The following PCDH12 variants were observed in gnomAD, a reference collection of about 807,000 sequenced individuals.
PCDH12 encodes protocadherin-12.
Under a neutral mutation model 70.9 loss-of-function variants are expected in PCDH12, and 45 were observed. That is an observed-to-expected ratio of 0.63 (90% CI 0.50 to 0.81). The LOEUF is 0.81. Ranked by LOEUF, PCDH12 falls within the 40% of genes least tolerant of loss-of-function variation. The pLI, the probability that PCDH12 is intolerant of heterozygous loss-of-function variation, is 0.00. For missense variants in PCDH12, 1,370 were observed against 1,491.7 expected (o/e 0.92, Z 1.34); for synonymous variants, 567 against 626.0 (o/e 0.91, Z 1.41).
Position 141,956,403 on chromosome 5 carries a change from C to T in PCDH12, c.1449G>A (p.Lys483=), listed in dbSNP as rs2126929163. ...TAATGCCCAAGTCTGCATCATGAGC[C>T]TTGATGGTAATGAGGTGAAGAGAGG... The part of the protein sequence containing the change: ...NLPSLHLITI[K]AHDADLGING... Residue 483 remains lysine (K), a synonymous_variant, in exon 1 of 4, where the codon AAG becomes AAA. Coordinates refer to ENST00000231484, the MANE Select transcript of PCDH12 (RefSeq NM_016580.4). 1 of 1,614,226 alleles carries T rather than the reference C, an allele frequency of 6.2e-7. No individual in the cohort carries two copies. The highest frequency in any genetic ancestry group is 1.3e-5 in the African/African-American group (1 of 75,052).
At position 141,957,647 on chromosome 5, in the gene PCDH12, A is replaced by G. The variant is rs1215396898; in HGVS notation, c.205T>C (p.Leu69=). Reference sequence around the variant, plus strand: ...ATGGGGAGCGCCTGAGGCAGCTGCAACACCTGGAAGGCAGCCCCAGCTTGC... The same window carrying G: ...ATGGGGAGCGCCTGAGGCAGCTGCAGCACCTGGAAGGCAGCCCCAGCTTGC... The part of the protein sequence containing the change: ...RRQAGAAFQV[L]QLPQALPIQV... The change falls in exon 1 of 4, where the codon TTG becomes CTG. Residue 69 remains leucine (L), a synonymous_variant. Coordinates refer to ENST00000231484, the MANE Select transcript of PCDH12 (RefSeq NM_016580.4). The surrounding 1 kb of genome is among the most constrained non-coding windows in gnomAD (Gnocchi z 4.3). The G allele has an allele frequency of 1.2e-6, 2 of 1,614,186 alleles. No individual in the cohort carries two copies. Among genetic ancestry groups the G allele is most frequent in the Non-Finnish European group, 1.7e-6 (2 of 1,180,030 alleles).
rs558340968 is a variant in PCDH12 at position 141,945,140 on chromosome 5, A to G, written c.*241T>C. 2.4e-4 allele frequency: 136 copies of G among 559,318 alleles called. 1 individual carries two copies. In the East Asian group the frequency reaches 4.0e-3, roughly 17 times the overall value. The allele number at this position is 559,318 out of a possible 1,614,324, so 34.6% of individuals were successfully genotyped here. A position where few individuals can be genotyped will look rare whatever the true frequency, so the allele number is the denominator to read the frequency against. ...TGCTCCACATATGTTTTGCCAGGAA[A>G]CACTTATCTCAGCCACAAACCGTCC... On this transcript the variant is annotated 3_prime_UTR_variant, in exon 4 of 4. Transcript: ENST00000231484.
Position 141,957,988 on chromosome 5 carries a change from G to A in PCDH12, c.-137C>T. 1.0e-6 allele frequency: 1 copy of A among 986,656 alleles called. No homozygotes were observed. The highest frequency in any genetic ancestry group is 1.7e-5 in the South Asian group (1 of 59,338). The allele number at this position is 986,656 out of a possible 1,614,324, so 61.1% of individuals were successfully genotyped here. ...GCTGCCGGCACAACCTTGTCCCATA[G>A]TTAGATGATTATGAAACAAGCAGGA... On this transcript the variant is annotated 5_prime_UTR_variant, in exon 1 of 4. Coordinates refer to ENST00000231484, the MANE Select transcript of PCDH12 (RefSeq NM_016580.4). This position sits in a 1 kb window ranked among gnomAD's most constrained non-coding sequence, Gnocchi z 4.3.
chr5:141,949,232 C>CT (rs1753022213), intron 3 of PCDH12, 200 bp downstream of exon 3: 1 of 643,780 alleles, frequency 1.6e-6, no homozygotes, highest in East Asian at 1.4e-4. Flanking sequence ...AAGACCCTGT[C>CT]TAAAAAAAAA....
intron 1 of PCDH12, among the ~76,000 whole-genome samples, chr5:141,951,870 A>C (rs1445066099): frequency 1.3e-5 from 2 of 152,180 alleles, no homozygotes; most frequent in Non-Finnish European, 2.9e-5. Flanking sequence ...AGTGTCCTGC[A>C]CCTGGTGGAC....
intron 3 of PCDH12, 60 bp from the exon 4 acceptor site, chr5:141,945,865 G>T (rs1343843821): frequency 1.3e-6 from 2 of 1,518,950 alleles, no homozygotes; most frequent in African/African-American, 1.4e-5. Context: ...AGGCGGGTGA[G>T]GGTGGGGCAA....
At position 141,944,599 on chromosome 5, in the gene PCDH12, GA is replaced by G. The variant is rs1752857316; in HGVS notation, c.*781del. 6.6e-6 allele frequency: 1 copy of G among 152,116 alleles called. No individual in the cohort carries two copies. Among genetic ancestry groups the G allele is most frequent in the South Asian group, 2.1e-4 (1 of 4,826 alleles). 9.4% of individuals were successfully genotyped at this position (152,116 alleles called of 1,614,324 possible). A position where few individuals can be genotyped will look rare whatever the true frequency, so the allele number is the denominator to read the frequency against. On this transcript the variant is annotated 3_prime_UTR_variant, in exon 4 of 4. Coordinates refer to ENST00000231484, the MANE Select transcript of PCDH12 (RefSeq NM_016580.4). ...CTGCTTGATCTTGGGAAAGCCACTT[GA>G]CCTCTCCAAGCCCCATATCCGTGTC...
In PCDH12 at chr5:141,945,569, G is replaced by A. The variant is rs745613955; in HGVS notation, c.3367C>T (p.Gln1123Ter). 1 of 1,614,054 alleles carries A rather than the reference G, an allele frequency of 6.2e-7. No homozygotes were observed. Among genetic ancestry groups the A allele is most frequent in the Non-Finnish European group, 8.5e-7 (1 of 1,180,024 alleles). The change falls in exon 4 of 4, where the codon CAG (glutamine) becomes TAG (stop). Residue 1123 changes from glutamine (Q) to a stop codon, truncating the protein, a stop_gained. Coordinates refer to ENST00000231484, the MANE Select transcript of PCDH12 (RefSeq NM_016580.4). LOFTEE classifies it low-confidence loss of function (END_TRUNC). ...MSSLLEMLLE[Q>*]RSSMPVEAAS... ...GCCTCCACGGGCATGCTGGAGCGCT[G>A]TTCCAGCAGCATCTCCAGCAGTGAG... is the stretch of plus-strand genomic sequence containing the variant.
At position 141,945,567 on chromosome 5, in the gene PCDH12, C is replaced by G; in HGVS notation, c.3369G>C (p.Gln1123His). 1 of 1,614,042 alleles carries G rather than the reference C, an allele frequency of 6.2e-7. No homozygotes were observed. The highest frequency in any genetic ancestry group is 8.5e-7 in the Non-Finnish European group (1 of 1,180,016). ...MSSLLEMLLE[Q>H]RSSMPVEAAS... ...CGGCCTCCACGGGCATGCTGGAGCG[C>G]TGTTCCAGCAGCATCTCCAGCAGTG... Residue 1123 changes from glutamine (Q) to histidine (H), a missense_variant, in exon 4 of 4, where the codon CAG becomes CAC. Transcript: ENST00000231484.
In PCDH12 at chr5:141,956,342, C is replaced by A; in HGVS notation, c.1510G>T (p.Val504Phe). Reference sequence around the variant, plus strand: ...GAGTCAATAGCTACTAAGTGAGCAACTGGGGAGTCCTGGATGCGGTATGAG... The same window carrying A: ...GAGTCAATAGCTACTAAGTGAGCAAATGGGGAGTCCTGGATGCGGTATGAG... ...KVSYRIQDSPVAHLVAIDSNT... is the reference protein window; with the variant it reads ...KVSYRIQDSPFAHLVAIDSNT... The change falls in exon 1 of 4, where the codon GTT becomes TTT. Residue 504 changes from valine to phenylalanine, a missense_variant. Val to Phe is a conservative substitution (Grantham distance 50). Transcript: ENST00000231484. 2 of 1,614,232 alleles carry A rather than the reference C, an allele frequency of 1.2e-6. No homozygotes were observed. Among genetic ancestry groups the A allele is most frequent in the Non-Finnish European group, 1.7e-6 (2 of 1,180,038 alleles).
intron 3 of PCDH12, among the ~76,000 whole-genome samples, chr5:141,947,143 A>G (rs1487911950): frequency 1.3e-5 from 2 of 152,238 alleles, no homozygotes. Context: ...GTAGTCATTT[A>G]TTGTACTGAT....
Position 141,957,713 on chromosome 5 carries a change from C to T in PCDH12, c.139G>A (p.Gly47Arg), listed in dbSNP as rs1232764286. 8 of 1,614,094 alleles carry T rather than the reference C, an allele frequency of 5.0e-6. No individual in the cohort carries two copies. The highest frequency in any genetic ancestry group is 1.1e-5 in the South Asian group (1 of 91,090). ...CGGCCCAGTTCCTGGGACAGCTTCCCGATCACTGTACCAGATGGCACTTCC... is the reference window on the plus strand; with the variant it reads ...CGGCCCAGTTCCTGGGACAGCTTCCTGATCACTGTACCAGATGGCACTTCC... ...SEEVPSGTVI[G>R]KLSQELGREE... The change falls in exon 1 of 4, where the codon GGG becomes AGG. Residue 47 changes from glycine (G) to arginine (R), a missense_variant. Gly to Arg is a moderately radical substitution (Grantham distance 125, BLOSUM62 -2). Transcript: ENST00000231484. This position sits in a 1 kb window ranked among gnomAD's most constrained non-coding sequence, Gnocchi z 4.3.
Position 141,956,487 on chromosome 5 carries a change from G to T in PCDH12, c.1365C>A (p.Asp455Glu). The T allele has an allele frequency of 6.2e-7, 1 of 1,614,246 alleles. No individual in the cohort carries two copies. Among genetic ancestry groups the T allele is most frequent in the Non-Finnish European group, 8.5e-7 (1 of 1,180,044 alleles). The part of the protein sequence containing the change: ...QLSIQISDIN[D>E]NAPVFEKSRY... Reference sequence around the variant, plus strand: ...TGCTTTTCTCAAACACAGGTGCATTGTCGTTGATGTCACTGATCTGAATGC... The same window carrying T: ...TGCTTTTCTCAAACACAGGTGCATTTTCGTTGATGTCACTGATCTGAATGC... The change falls in exon 1 of 4, where the codon GAC (aspartate) becomes GAA (glutamate). Residue 455 changes from aspartate to glutamate, a missense_variant. Asp to Glu is a conservative substitution (Grantham distance 45). Transcript: ENST00000231484.
chr5:141,945,440 C>T lies in PCDH12; in HGVS notation c.3496G>A (p.Gly1166Arg), dbSNP rs759381588. Residue 1166 changes from glycine to arginine, a missense_variant, in exon 4 of 4, where the codon GGA (glycine) becomes AGA (arginine). By Grantham distance (125) the Gly-to-Arg change is moderately radical (BLOSUM62 -2). Transcript: ENST00000231484. Reference sequence around the variant, plus strand: ...CTCTTGCCCTCAGTCCCCGTCTTTCCACCTGGGTCCCCTTGCACTTTCATG... The same window carrying T: ...CTCTTGCCCTCAGTCCCCGTCTTTCTACCTGGGTCCCCTTGCACTTTCATG... The part of the protein sequence containing the change: ...SGMKVQGDPG[G>R]KTGTEGKSRG... 3 of 1,613,262 alleles carry T rather than the reference C, an allele frequency of 1.9e-6. No homozygotes were observed. The highest frequency in any genetic ancestry group is 1.3e-5 in the African/African-American group (1 of 74,920).
In PCDH12 at chr5:141,945,772, G is replaced by C. The variant is rs140094371; in HGVS notation, c.3164C>G (p.Pro1055Arg). 1.9e-6 allele frequency: 3 copies of C among 1,613,614 alleles called. No individual in the cohort carries two copies. Among genetic ancestry groups the C allele is most frequent in the African/African-American group, 1.3e-5 (1 of 75,066 alleles). The stretch of plus-strand genomic sequence containing the variant: ...CAAAGAGAGTCTCGCCATCCAGGCC[G>C]GGTCAGGGGCGCTCAGCCGGTCCAG... ...LALDRLSAPD[P>R]AWMARLSLPL... The change falls in exon 4 of 4, where the codon CCG becomes CGG. Residue 1055 changes from proline (P) to arginine (R), a missense_variant. Physicochemically the swap from Pro to Arg is moderately radical, Grantham distance 103. Transcript: ENST00000231484.
Position 141,945,228 on chromosome 5 carries a change from C to G in PCDH12, c.*153G>C. 1.1e-6 allele frequency: 1 copy of G among 912,994 alleles called. No individual in the cohort carries two copies. Among genetic ancestry groups the G allele is most frequent in the South Asian group, 1.6e-5 (1 of 61,474 alleles). 56.6% of individuals were successfully genotyped at this position (912,994 alleles called of 1,614,324 possible). On this transcript the variant is annotated 3_prime_UTR_variant, in exon 4 of 4. Coordinates refer to ENST00000231484, the MANE Select transcript of PCDH12 (RefSeq NM_016580.4). ...TGCTTTGGTCAGTCAGCTGTTAGTC[C>G]TGGGGCTCTTGCCTCCTCTGTGGGG... is the stretch of plus-strand genomic sequence containing the variant.
rs750898592 is a variant in PCDH12, at chr5:141,957,704, A to G, written c.148T>C (p.Ser50Pro). The change falls in exon 1 of 4, where the codon TCC becomes CCC. Residue 50 changes from serine to proline, a missense_variant. Ser to Pro is a moderately conservative substitution (Grantham distance 74, BLOSUM62 -1). Coordinates refer to ENST00000231484, the MANE Select transcript of PCDH12 (RefSeq NM_016580.4). This position sits in a 1 kb window ranked among gnomAD's most constrained non-coding sequence, Gnocchi z 4.3. The part of the protein sequence containing the change: ...VPSGTVIGKL[S>P]QELGREERRR... ...CTCTCCTCCCGGCCCAGTTCCTGGG[A>G]CAGCTTCCCGATCACTGTACCAGAT... The G allele has an allele frequency of 1.9e-6, 3 of 1,614,106 alleles. No homozygotes were observed. The highest frequency in any genetic ancestry group is 2.5e-6 in the Non-Finnish European group (3 of 1,180,008).
At chr5:141,948,538 T>C (rs1305197236) in intron 3 of PCDH12, among the ~76,000 whole-genome samples, 1 of 152,228 alleles carries the variant, frequency 6.6e-6, no homozygotes, top group East Asian at 1.9e-4. Flanking sequence ...GTATTTATTG[T>C]CAAAGCTAAT....
In PCDH12 at chr5:141,956,964, A is replaced by G; in HGVS notation, c.888T>C (p.Ser296=). ...TGACCTGGCCTGTCTTGGCATCAAT[A>G]CTGAAGGTGTCCAGCACCTCTGGAG... ...HMPPEVLDTF[S]IDAKTGQVIL... is the part of the protein sequence containing the mutation. The change falls in exon 1 of 4, where the codon AGT becomes AGC. Residue 296 remains serine (S), a synonymous_variant. Coordinates refer to ENST00000231484, the MANE Select transcript of PCDH12 (RefSeq NM_016580.4). 1.9e-6 allele frequency: 3 copies of G among 1,614,094 alleles called. No homozygotes were observed. Among genetic ancestry groups the G allele is most frequent in the Non-Finnish European group, 1.7e-6 (2 of 1,180,006 alleles).
Sources: gnomAD v4.1 joint callset for allele counts (sites outside exome capture counted in the v4.1 genomes callset) on GRCh38, gnomAD v4.1.1 for gene constraint, Gnocchi (gnomAD v3.1) non-coding constraint, MANE v1.5 for transcripts, NCBI Gene and HGNC (gene_info 2026-07-23, HGNC 2026-07-21) for gene names.